Variants in BEST4 observed in about 807,000 individuals in gnomAD.
BEST4 encodes the protein bestrophin-4.
In BEST4, 36 loss-of-function variants were observed where a neutral mutation model predicts 47.1. The observed-to-expected ratio is 0.76, with a 90% CI of 0.59 to 1.01. BEST4 has a LOEUF of 1.01. Among genes scored for constraint, BEST4 ranks in the 50% least tolerant of loss-of-function variants. BEST4 has a pLI of 0.00. For missense variants in BEST4, 550 were observed against 648.6 expected (o/e 0.85, Z 1.65); for synonymous variants, 250 against 277.8 (o/e 0.90, Z 1.00).
At chr1:44,791,210 G>C (rs1651402250), upstream of BEST4, among the ~76,000 whole-genome samples, 2 of 143,608 alleles carry the variant, frequency 1.4e-5, no homozygotes, top group African/African-American at 5.3e-5. Context: ...GACTCAGAGA[G>C]AGAGAGAGAG....
upstream of BEST4, among the ~76,000 whole-genome samples, chr1:44,791,321 C>T (rs187445146): frequency 1.2e-3 from 184 of 152,042 alleles, 2 homozygotes; most frequent in African/African-American, 3.9e-3. Flanking sequence ...GCATCATGGC[C>T]AGGCAGTTCA....
upstream of BEST4, among the ~76,000 whole-genome samples, chr1:44,790,906 G>A (rs1050932058): frequency 1.3e-5 from 2 of 152,068 alleles, no homozygotes; most frequent in African/African-American, 2.4e-5. Context: ...GTGAGACCCT[G>A]TCTCAAAACA....
downstream of BEST4, among the ~76,000 whole-genome samples, chr1:44,782,794 TTCC>T (rs1286450597): frequency 3.3e-5 from 5 of 152,192 alleles, no homozygotes; most frequent in Non-Finnish European, 7.4e-5. Context: ...CCCCTCTGTC[TTCC>T]TCCTCTGTTC....
At position 44,784,502 on chromosome 1, in the gene BEST4, G is replaced by GGGGGGGGGGGC; in HGVS notation, c.1149-20_1149-19insGCCCCCCCCCC. 2.5e-6 allele frequency: 1 copy of GGGGGGGGGGGC among 399,796 alleles called. No homozygotes were observed. The allele number at this position is 399,796 out of a possible 1,614,324, so 24.8% of individuals were successfully genotyped here. ...GCTCATGCTGCGGGCGGGAGGGCGGGCTGAGCCGGGGCACAGGGCGGGAGC... is the reference window on the plus strand; with the variant it reads ...GCTCATGCTGCGGGCGGGAGGGCGGGGGGGGGGGGGCCTGAGCCGGGGCACAGGGCGGGAGC... On this transcript the variant is annotated intron_variant, in intron 8 of 8. Transcript: ENST00000372207. This position sits in a 1 kb window ranked among gnomAD's most constrained non-coding sequence, Gnocchi z 6.2.
At chr1:44,783,504 T>C (rs1397710563), downstream of BEST4, 1 of 152,210 alleles carries the variant, frequency 6.6e-6, no homozygotes, top group Non-Finnish European at 1.5e-5. Flanking sequence ...TCCTACTGCA[T>C]GCATGCCAAT....
upstream of BEST4, among the ~76,000 whole-genome samples, chr1:44,789,154 G>C (rs12057414): frequency 0.22 from 33,177 of 150,642 alleles, 4,403 homozygotes; most frequent in African/African-American, 0.38. Context: ...AGGTACATGG[G>C]AGGCTGAGGC....
chr1:44,787,503 G>T (rs1557614360), intron 1 of BEST4, 37 bp from the exon 2 acceptor site: 1 of 1,614,008 alleles, frequency 6.2e-7, no homozygotes, highest in African/African-American at 1.3e-5. Flanking sequence ...TTAGAGGGAG[G>T]TGGGTGGCCC....
chr1:44,787,729 G>A lies in BEST4; in HGVS notation c.-24C>T, dbSNP rs769232506. ...ATGGTGCTGGGAGCCTGGGGCAGGA[G>A]GTCACAAGAGTTGCCCCCAGGGCTG... On this transcript the variant is annotated 5_prime_UTR_variant, in exon 1 of 9. Transcript: ENST00000372207. 2 of 1,613,284 alleles carry A rather than the reference G, an allele frequency of 1.2e-6. No homozygotes were observed. The highest frequency in any genetic ancestry group is 1.3e-5 in the African/African-American group (1 of 75,000).
In BEST4 at chr1:44,786,517, C is replaced by CG; in HGVS notation, c.426_427insC (p.Val143ArgfsTer7). 3 of 1,548,364 alleles carry CG rather than the reference C, an allele frequency of 1.9e-6. No homozygotes were observed. The South Asian group carries it at 3.6e-5, about 18-fold the overall frequency. On this transcript the variant is annotated frameshift_variant, in exon 3 of 9. Transcript: ENST00000372207. LOFTEE classifies it high-confidence loss of function. The surrounding 1 kb of genome is among the most constrained non-coding windows in gnomAD (Gnocchi z 4.9). ...AAGCGCTTAAGCACGCGGGTGCTGACCGAGCGCAGCACCAGCACGGACGCC... is the reference window on the plus strand; with the variant it reads ...AAGCGCTTAAGCACGCGGGTGCTGACGCGAGCGCAGCACCAGCACGGACGCC...
chr1:44,785,399 TAATC>T, intron 5 of BEST4, 94 bp from the exon 6 acceptor site: 4 of 1,355,410 alleles, frequency 3.0e-6, no homozygotes, highest in Non-Finnish European at 4.0e-6. Flanking sequence ...GTCTGACAAG[TAATC>T]AAACATGTAT....
chr1:44,787,588 C>G lies in BEST4; in HGVS notation c.118G>C (p.Gly40Arg), dbSNP rs772792729. Residue 40 changes from glycine (G) to arginine (R), a missense_variant, in exon 1 of 9, where the codon GGG (glycine) becomes CGG (arginine). By Grantham distance (125) the Gly-to-Arg change is moderately radical. Transcript: ENST00000372207. ...ATGCTAAGCACAGCGTACAAGGCCC[C>G]AAAGAGGAGGAATTCCTTGTAGAGG... ...KLLYKEFLLF[G>R]ALYAVLSITY... The G allele has an allele frequency of 6.2e-7, 1 of 1,614,176 alleles. No homozygotes were observed. The highest frequency in any genetic ancestry group is 8.5e-7 in the Non-Finnish European group (1 of 1,180,038).
chr1:44,789,509 A>G (rs1479301655), upstream of BEST4, among the ~76,000 whole-genome samples: 2 of 151,772 alleles, frequency 1.3e-5, no homozygotes, highest in Non-Finnish European at 2.9e-5. Flanking sequence ...GATCAGCCTG[A>G]CCAACATGGA....
At chr1:44,789,473 C>T (rs1651354341), upstream of BEST4, among the ~76,000 whole-genome samples, 1 of 149,700 alleles carries the variant, frequency 6.7e-6, no homozygotes, top group Non-Finnish European at 1.5e-5. Context: ...CCGAGGCAGG[C>T]GGATCACCTG....
At chr1:44,789,903 A>T (rs912790130), upstream of BEST4, among the ~76,000 whole-genome samples, 1 of 152,236 alleles carries the variant, frequency 6.6e-6, no homozygotes, top group Admixed American at 6.5e-5. Flanking sequence ...TCCTAAAGAT[A>T]GGAAGCATAG....
rs774553146 is a variant in BEST4 at position 44,784,601 on chromosome 1, C to T, written c.1148+28G>A. ...AGAGGCTGAGCGAGGACCCGCGTGCCGGGTCAGGCCCAGTGCAAGCCACTC... is the reference window on the plus strand; with the variant it reads ...AGAGGCTGAGCGAGGACCCGCGTGCTGGGTCAGGCCCAGTGCAAGCCACTC... On this transcript the variant is annotated intron_variant, in intron 8 of 8. Coordinates refer to ENST00000372207, the MANE Select transcript of BEST4 (RefSeq NM_153274.3). The surrounding 1 kb of genome is among the most constrained non-coding windows in gnomAD (Gnocchi z 6.2). 4.4e-6 allele frequency: 7 copies of T among 1,603,016 alleles called. No homozygotes were observed. In the South Asian group the frequency reaches 5.6e-5, roughly 13 times the overall value.
At chr1:44,790,150 T>TC (rs776448702), upstream of BEST4, among the ~76,000 whole-genome samples, 30 of 152,178 alleles carry the variant, frequency 2.0e-4, no homozygotes, top group Non-Finnish European at 3.8e-4. Flanking sequence ...TTTGAATCTG[T>TC]TCTCTTTGGT....
upstream of BEST4, among the ~76,000 whole-genome samples, chr1:44,790,529 G>A (rs75942357): frequency 8.0e-3 from 1,215 of 152,192 alleles, 12 homozygotes; most frequent in Non-Finnish European, 0.013. Flanking sequence ...CTCTCTTGCA[G>A]CAGTTAATCA....
chr1:44,786,750 G>T lies in BEST4; in HGVS notation c.248-54C>A. On this transcript the variant is annotated intron_variant, in intron 2 of 8. Transcript: ENST00000372207. The surrounding 1 kb of genome is among the most constrained non-coding windows in gnomAD (Gnocchi z 4.9). ...GGAAGGGAGAGTGGAGAGCCTGGGGGTCGGAGCGCCTCACCTCCCCCAGCA... is the reference window on the plus strand; with the variant it reads ...GGAAGGGAGAGTGGAGAGCCTGGGGTTCGGAGCGCCTCACCTCCCCCAGCA... 1.4e-6 allele frequency: 2 copies of T among 1,413,144 alleles called. No homozygotes were observed. The highest frequency in any genetic ancestry group is 1.9e-6 in the Non-Finnish European group (2 of 1,037,002). The allele number at this position is 1,413,144 out of a possible 1,614,324, so 87.5% of individuals were successfully genotyped here. A position where few individuals can be genotyped will look rare whatever the true frequency, so the allele number is the denominator to read the frequency against.
At chr1:44,785,458 G>A (rs1380549402) in intron 5 of BEST4, 141 bp downstream of exon 5, 2 of 1,186,580 alleles carry the variant, frequency 1.7e-6, no homozygotes, top group Non-Finnish European at 1.2e-6. Flanking sequence ...CTTGTTGGGG[G>A]TGGTGGGGGG....
Sources: allele counts gnomAD v4.1 joint callset (sites outside exome capture counted in the v4.1 genomes callset), GRCh38; gene constraint gnomAD v4.1.1; non-coding constraint Gnocchi (gnomAD v3.1); transcripts MANE v1.5; gene names NCBI Gene and HGNC (gene_info 2026-07-23, HGNC 2026-07-21).